COL21A1: variants seen among roughly 807,000 people sequenced by gnomAD.
The protein encoded by COL21A1 is collagen type XXI alpha 1 chain, also known as collagen alpha-1(XXI) chain.
Under a neutral mutation model 137.9 loss-of-function variants are expected in COL21A1, and 149 were observed. That is an observed-to-expected ratio of 1.08 (90% CI 0.95 to 1.24). The LOEUF is 1.24. Ranked by LOEUF, COL21A1 falls within the 50% of genes most tolerant of loss-of-function variation. The probability of loss-of-function intolerance (pLI) is 0.00; values close to 1 mark genes in which losing one functional copy is unlikely to be tolerated. For synonymous variants in COL21A1, 456 were observed against 391.5 expected, an observed-to-expected ratio of 1.16 and a Z score of -1.95; for missense variants, 1,167 against 1,158.4, an observed-to-expected ratio of 1.01 and a Z score of -0.11.
chr6:56,124,283 CT>C lies in COL21A1; in HGVS notation c.1659del (p.Gly554ValfsTer26). Reference protein sequence around the residue: ...SPGFYGKKGAKGEKGNAGFPG... With the variant: ...SPGFYGKKGAXGEKGNAGFPG... Reference sequence around the variant, plus strand: ...GGGAAGCCAGCATTCCCCTTTTCACCTTTTGCACCCTGTATCGAAAACAAAC... The same window carrying C: ...GGGAAGCCAGCATTCCCCTTTTCACCTTTGCACCCTGTATCGAAAACAAAC... On this transcript the variant is annotated frameshift_variant, in exon 15 of 30. Coordinates refer to ENST00000244728, the MANE Select transcript of COL21A1 (RefSeq NM_030820.4). LOFTEE classifies it high-confidence loss of function. 1.9e-6 allele frequency: 3 copies of C among 1,602,640 alleles called. No individual in the cohort carries two copies. Among genetic ancestry groups the C allele is most frequent in the Non-Finnish European group, 2.6e-6 (3 of 1,174,236 alleles).
intron 17 of COL21A1, among the ~76,000 whole-genome samples, chr6:56,081,533 C>T (rs17751114): frequency 0.067 from 10,131 of 150,998 alleles, 397 homozygotes; most frequent in Admixed American, 0.11. Flanking sequence ...TTGAACCCTG[C>T]AATGTTTTTC....
At chr6:56,357,937 A>G (rs1486753762) in intron 1 of COL21A1, among the ~76,000 whole-genome samples, 1 of 152,208 alleles carries the variant, frequency 6.6e-6, no homozygotes, top group Non-Finnish European at 1.5e-5. Context: ...CAGTGAAGAT[A>G]GACTGAATGC....
chr6:56,327,498 C>G (rs2152343005), intron 1 of COL21A1, among the ~76,000 whole-genome samples: 1 of 152,100 alleles, frequency 6.6e-6, no homozygotes, highest in East Asian at 1.9e-4. Context: ...CAGAAACAAA[C>G]AGGTGGCCAT....
chr6:56,343,464 C>A (rs1765515885), intron 1 of COL21A1, among the ~76,000 whole-genome samples: 1 of 152,212 alleles, frequency 6.6e-6, no homozygotes, highest in African/African-American at 2.4e-5. Context: ...TAACTGTCAA[C>A]TTCCATCATA....
intron 1 of COL21A1, among the ~76,000 whole-genome samples, chr6:56,387,483 C>G (rs2094020497): frequency 6.6e-6 from 1 of 152,108 alleles, no homozygotes; most frequent in Non-Finnish European, 1.5e-5. Flanking sequence ...AATCATAGTA[C>G]CTGGTTTTAA....
chr6:56,101,414 G>A, intron 17 of COL21A1, 58 bp downstream of exon 17: 2 of 1,307,344 alleles, frequency 1.5e-6, no homozygotes, highest in South Asian at 2.6e-5. Flanking sequence ...TAACCAAAAA[G>A]GATTTCGTAA....
intron 1 of COL21A1, among the ~76,000 whole-genome samples, chr6:56,194,004 T>G (rs1296851560): frequency 6.6e-6 from 1 of 152,194 alleles, no homozygotes; most frequent in African/African-American, 2.4e-5. Context: ...CCCAAAGTGC[T>G]GGGATTACAG....
At chr6:56,367,799 C>T (rs1170509663) in intron 1 of COL21A1, among the ~76,000 whole-genome samples, 2 of 152,210 alleles carry the variant, frequency 1.3e-5, no homozygotes, top group South Asian at 2.1e-4. Context: ...ACTGCAGCCT[C>T]GAACTCCTGA....
intron 1 of COL21A1, among the ~76,000 whole-genome samples, chr6:56,390,873 G>T (rs994536660): frequency 2.0e-5 from 3 of 152,036 alleles, no homozygotes; most frequent in African/African-American, 7.2e-5. Flanking sequence ...AATAATTGTT[G>T]GGAACCTCAA....
rs746007644 is a variant in COL21A1 at position 56,170,676 on chromosome 6, C to A, written c.999G>T (p.Val333=). 4.4e-6 allele frequency: 7 copies of A among 1,599,556 alleles called. No individual in the cohort carries two copies. In the African/African-American group the frequency reaches 8.0e-5, roughly 18 times the overall value. The change falls in exon 5 of 30, where the codon GTG becomes GTT. Residue 333 remains valine, a synonymous_variant. Coordinates refer to ENST00000244728, the MANE Select transcript of COL21A1 (RefSeq NM_030820.4). ...TTTSVINGSQ[V]VTFANPQVKT... is the part of the protein sequence containing the mutation. ...TAACTTGAGGGTTAGCAAAGGTAAC[C>A]ACTTGTGAGCCATTAATTACGCTGG...
chr6:56,112,160 A>T (rs979404124), intron 16 of COL21A1, among the ~76,000 whole-genome samples: 3 of 152,198 alleles, frequency 2.0e-5, no homozygotes, highest in Admixed American at 1.3e-4. Flanking sequence ...CATATTTGGC[A>T]AAAGTTCTAA....
chr6:56,358,763 G>A (rs1231758270), intron 1 of COL21A1, among the ~76,000 whole-genome samples: 4 of 151,962 alleles, frequency 2.6e-5, no homozygotes, highest in South Asian at 4.1e-4. Flanking sequence ...AAAGAAGAAA[G>A]AAAAAAGCCT....
rs187497011 is a variant in COL21A1, at chr6:56,069,713, C to A, written c.2020-596G>T. 7.4e-3 allele frequency among the ~76,000 whole-genome samples: 1,110 copies of A among 150,346 alleles called. 6 individuals are homozygous for A. Among genetic ancestry groups the A allele is most frequent in the Non-Finnish European group, 0.012 (800 of 67,320 alleles). On this transcript the variant is annotated intron_variant, in intron 21 of 29. Coordinates refer to ENST00000244728, the MANE Select transcript of COL21A1 (RefSeq NM_030820.4). ...ATATTAATATTATAAAGTTCTTATG[C>A]TATCATATTTTTCATAACATAAGTT...
At position 56,069,111 on chromosome 6, in the gene COL21A1, G is replaced by A. The variant is rs1319504161; in HGVS notation, c.2026C>T (p.Pro676Ser). 6.3e-7 allele frequency: 1 copy of A among 1,596,470 alleles called. No homozygotes were observed. Among genetic ancestry groups the A allele is most frequent in the Non-Finnish European group, 8.5e-7 (1 of 1,171,076 alleles). Residue 676 changes from proline to serine, a missense_variant, in exon 22 of 30, where the codon CCA (proline) becomes TCA (serine). Transcript: ENST00000244728. ...TCTCCTGGGGAACCCGTTGCTCCTG[G>A]TTCTCCCTATGTAACACAGAAATTC... ...MPGASGLKGE[P>S]GATGSPGEPG... is the part of the protein sequence containing the mutation.
intron 29 of COL21A1, among the ~76,000 whole-genome samples, chr6:56,058,505 T>C (rs1426721231): frequency 6.6e-6 from 1 of 152,170 alleles, no homozygotes; most frequent in African/African-American, 2.4e-5. Flanking sequence ...TTTGGGCCAC[T>C]TCTTACTCCT....
chr6:56,162,693 T>C (rs1561933161), intron 9 of COL21A1, among the ~76,000 whole-genome samples: 1 of 152,344 alleles, frequency 6.6e-6, no homozygotes, highest in Non-Finnish European at 1.5e-5. Context: ...CTCTAATTTC[T>C]ACATTATATC....
Position 56,098,606 on chromosome 6 carries a change from A to AATATATATATATATAAAT in COL21A1, c.1812+2865_1812+2866insATTTATATATATATATAT. ...ATATAAATATATAAATATATATATA[A>AATATATATATATATAAAT]ATATATATAAATATATATAAATATA... On this transcript the variant is annotated intron_variant, in intron 17 of 29. Transcript: ENST00000244728. Among the ~76,000 whole-genome samples the AATATATATATATATAAAT allele has an allele frequency of 7.5e-3, 23 of 3,060 alleles. 3 individuals are homozygous for AATATATATATATATAAAT. Among genetic ancestry groups the AATATATATATATATAAAT allele is most frequent in the African/African-American group, 0.021 (22 of 1,036 alleles). The allele number at this position is 3,060 out of a possible 152,430, so 2.0% of individuals were successfully genotyped here. A position where few individuals can be genotyped will look rare whatever the true frequency, so the allele number is the denominator to read the frequency against.
chr6:56,101,474 G>T lies in COL21A1; in HGVS notation c.1810C>A (p.Pro604Thr), dbSNP rs2152167116. ...APGQDGTRGE[P>T]GIPGFPGNRG... ...AACTGAAATGAGAAGGTACTCACAG[G>T]CTCTCCCCGTGTTCCATCCTGCCCC... The change falls in exon 17 of 30, where the codon CCT (proline) becomes ACT (threonine). Residue 604 changes from proline (P) to threonine (T), a missense_variant and splice_region_variant. Coordinates refer to ENST00000244728, the MANE Select transcript of COL21A1 (RefSeq NM_030820.4). 1 of 1,591,188 alleles carries T rather than the reference G, an allele frequency of 6.3e-7. No individual in the cohort carries two copies.
chr6:56,134,080 T>C (rs998007545), intron 12 of COL21A1, among the ~76,000 whole-genome samples: 4 of 152,188 alleles, frequency 2.6e-5, no homozygotes, highest in African/African-American at 7.2e-5. Context: ...AACCCCAGAA[T>C]GGTATATCTA....
Sources: gnomAD v4.1 joint callset for allele counts (sites outside exome capture counted in the v4.1 genomes callset) on GRCh38, gnomAD v4.1.1 for gene constraint, MANE v1.5 for transcripts, NCBI Gene and HGNC (gene_info 2026-07-23, HGNC 2026-07-21) for gene names.